Variants in SAXO1 observed in about 807,000 individuals in gnomAD.
The protein encoded by SAXO1 is 4930500O09Rik.
Under a neutral mutation model 17.5 loss-of-function variants are expected in SAXO1, and 21 were observed. The observed-to-expected ratio is 1.20, with a 90% confidence interval of 0.85 to 1.72. The LOEUF (loss-of-function observed/expected upper bound fraction) is 1.72, where lower values mean the gene tolerates loss of function less well. Ranked by LOEUF, SAXO1 falls within the 40% of genes most tolerant of loss-of-function variation. SAXO1 has a pLI of 0.00. For synonymous variants in SAXO1, 274 were observed against 216.5 expected (o/e 1.27, Z -2.33); for missense variants, 843 against 596.0 (o/e 1.41, Z -4.32).
At position 18,927,737 on chromosome 9, in the gene SAXO1, T is replaced by G; in HGVS notation, c.*315A>C. 3.8e-6 allele frequency: 1 copy of G among 265,302 alleles called. No individual in the cohort carries two copies. The highest frequency in any genetic ancestry group is 7.1e-6 in the Non-Finnish European group (1 of 140,614). 16.4% of individuals were successfully genotyped at this position (265,302 alleles called of 1,614,324 possible). A position where few individuals can be genotyped will look rare whatever the true frequency, so the allele number is the denominator to read the frequency against. On this transcript the variant is annotated 3_prime_UTR_variant, in exon 4 of 4. Transcript: ENST00000380534. ...ATCATTATGTCAGTTCATACAATGA[T>G]TAAATTAATAAAATACATCTGGATC...
intron 1 of SAXO1, among the ~76,000 whole-genome samples, chr9:18,962,366 C>T (rs1319542367): frequency 6.6e-6 from 1 of 152,252 alleles, no homozygotes; most frequent in African/African-American, 2.4e-5. Flanking sequence ...CCGCACCCGG[C>T]TCTCATTGGG....
chr9:19,040,270 T>G (rs1024684047), intron 1 of SAXO1, among the ~76,000 whole-genome samples: 1 of 152,228 alleles, frequency 6.6e-6, no homozygotes, highest in African/African-American at 2.4e-5. Flanking sequence ...TTTCAAATAC[T>G]GATACCCTCC....
chr9:19,010,756 C>G (rs759392121), intron 1 of SAXO1, among the ~76,000 whole-genome samples: 1 of 152,116 alleles, frequency 6.6e-6, no homozygotes, highest in Non-Finnish European at 1.5e-5. Flanking sequence ...CAACAGTATT[C>G]TAGGAAATTT....
intron 1 of SAXO1, among the ~76,000 whole-genome samples, chr9:19,028,700 G>A (rs1162907991): frequency 6.6e-6 from 1 of 152,138 alleles, no homozygotes; most frequent in East Asian, 1.9e-4. Context: ...AAGGAAAGAA[G>A]TAGAGCATTG....
chr9:18,970,116 T>C (rs1244636816), intron 1 of SAXO1, among the ~76,000 whole-genome samples: 1 of 152,192 alleles, frequency 6.6e-6, no homozygotes, highest in African/African-American at 2.4e-5. Context: ...TGGCTGATAC[T>C]TGGAAAGCAG....
chr9:18,988,991 T>C (rs879732965), intron 1 of SAXO1, among the ~76,000 whole-genome samples: 5 of 152,180 alleles, frequency 3.3e-5, no homozygotes, highest in Non-Finnish European at 5.9e-5. Context: ...AACTTTCCCC[T>C]ATAGGATGTA....
chr9:19,049,206 TACCCCTAGCA>T lies in SAXO1; in HGVS notation c.-165_-158+2del, dbSNP rs1836294217. 6.4e-6 allele frequency: 1 copy of T among 155,186 alleles called. No homozygotes were observed. The highest frequency in any genetic ancestry group is 1.4e-5 in the Non-Finnish European group (1 of 70,110). 9.6% of individuals were successfully genotyped at this position (155,186 alleles called of 1,614,324 possible). On this transcript the variant is annotated splice_donor_variant and 5_prime_UTR_variant, in exon 1 of 4. Transcript: ENST00000542071. LOFTEE classifies it low-confidence loss of function (5UTR_SPLICE). This position sits in a 1 kb window ranked among gnomAD's most constrained non-coding sequence, Gnocchi z 5.4. The stretch of plus-strand genomic sequence containing the variant: ...CATTTCCCCCGGCCAACCACACACG[TACCCCTAGCA>T]ACAGCAAACCCAGCTGCAACAGAAC...
Position 18,928,586 on chromosome 9 carries a change from G to C in SAXO1, c.891C>G (p.Pro297=). 7 of 1,614,164 alleles carry C rather than the reference G, an allele frequency of 4.3e-6. No individual in the cohort carries two copies. The highest frequency in any genetic ancestry group is 5.9e-6 in the Non-Finnish European group (7 of 1,180,028). ...FSKAPITYVP[P]EDRMDLLTTV... is the part of the protein sequence containing the mutation. The stretch of plus-strand genomic sequence containing the variant: ...TTGTCAGAAGATCCATCCTGTCTTC[G>C]GGAGGGACGTAGGTGATGGGAGCTT... The change falls in exon 4 of 4, where the codon CCC becomes CCG. Residue 297 remains proline (P), a synonymous_variant. Coordinates refer to ENST00000380534, the MANE Select transcript of SAXO1 (RefSeq NM_153707.4).
In SAXO1 at chr9:18,951,605, G is replaced by A. The variant is rs905180049; in HGVS notation, c.39-668C>T. ...TCTTATACCCAGGATCCACCTCGCC[G>A]TCGTATCCCCTCTCCCCACTACTCT... On this transcript the variant is annotated intron_variant, in intron 1 of 3. Coordinates refer to ENST00000380534, the MANE Select transcript of SAXO1 (RefSeq NM_153707.4). Among the ~76,000 whole-genome samples the A allele has an allele frequency of 1.5e-4, 23 of 152,152 alleles. 1 individual carries two copies. Among genetic ancestry groups the A allele is most frequent in the African/African-American group, 5.3e-4 (22 of 41,494 alleles).
At chr9:19,029,985 ATC>A (rs1208158002) in intron 1 of SAXO1, among the ~76,000 whole-genome samples, 1 of 152,192 alleles carries the variant, frequency 6.6e-6, no homozygotes, top group Non-Finnish European at 1.5e-5. Context: ...AATAGAAAAT[ATC>A]TGTTTTCCCA....
chr9:18,956,210 C>T (rs942956162), intron 1 of SAXO1, among the ~76,000 whole-genome samples: 3 of 151,548 alleles, frequency 2.0e-5, no homozygotes, highest in Admixed American at 6.6e-5. Context: ...CTCAGCCTCC[C>T]GAAGTGCTGG....
rs1368879729 is a variant in SAXO1, at chr9:18,941,645, G to A, written c.413C>T (p.Thr138Ile). ...CCTCTGTGCTCTCCCACCTTTATAAGTAGGCAAACACTCCATCTTGTCGCT... is the reference window on the plus strand; with the variant it reads ...CCTCTGTGCTCTCCCACCTTTATAAATAGGCAAACACTCCATCTTGTCGCT... ...PCSDKMECLP[T>I]YKADYLPWNQ... The change falls in exon 3 of 4, where the codon ACT becomes ATT. Residue 138 changes from threonine (T) to isoleucine (I), a missense_variant. Physicochemically the swap from Thr to Ile is moderately conservative, Grantham distance 89. Transcript: ENST00000380534. The A allele has an allele frequency of 2.5e-6, 4 of 1,614,018 alleles. No individual in the cohort carries two copies. In the South Asian group the frequency reaches 4.4e-5, roughly 18 times the overall value.
At chr9:19,017,468 G>T (rs572495198) in intron 1 of SAXO1, among the ~76,000 whole-genome samples, 1 of 152,352 alleles carries the variant, frequency 6.6e-6, no homozygotes, top group East Asian at 1.9e-4. Flanking sequence ...CAGCACCAGA[G>T]CATGGCCAGT....
In SAXO1 at chr9:18,941,810, G is replaced by A. The variant is rs1254367398; in HGVS notation, c.248C>T (p.Pro83Leu). 1 of 1,614,106 alleles carries A rather than the reference G, an allele frequency of 6.2e-7. No homozygotes were observed. Among genetic ancestry groups the A allele is most frequent in the Non-Finnish European group, 8.5e-7 (1 of 1,180,020 alleles). ...CTGGTCATACTGGTGGACCTTCACT[G>A]GTGCCACTTTGTGAGGCCCAAAATC... is the stretch of plus-strand genomic sequence containing the variant. ...RRDFGPHKVA[P>L]VKVHQYDQFV... is the part of the protein sequence containing the mutation. The change falls in exon 3 of 4, where the codon CCA becomes CTA. Residue 83 changes from proline to leucine, a missense_variant. Physicochemically the swap from Pro to Leu is moderately conservative, Grantham distance 98. Transcript: ENST00000380534.
At chr9:19,028,059 C>A in intron 1 of SAXO1, 1 of 1,611,756 alleles carries the variant, frequency 6.2e-7, no homozygotes, top group Non-Finnish European at 8.5e-7. Context: ...CCACGGAGCT[C>A]ACCCACGAGG....
chr9:18,977,940 G>A (rs1833214322), intron 1 of SAXO1, among the ~76,000 whole-genome samples: 2 of 149,470 alleles, frequency 1.3e-5, no homozygotes, highest in South Asian at 4.3e-4. Flanking sequence ...AGGTTGCAGT[G>A]GGCCTAGATC....
At chr9:19,027,842 A>G in intron 1 of SAXO1, 1 of 1,421,702 alleles carries the variant, frequency 7.0e-7, no homozygotes, top group Non-Finnish European at 9.8e-7. Context: ...CCGGGTGGAC[A>G]TCCTGGACCC....
chr9:18,992,025 A>T (rs1833834445), intron 1 of SAXO1, among the ~76,000 whole-genome samples: 1 of 152,198 alleles, frequency 6.6e-6, no homozygotes, highest in Non-Finnish European at 1.5e-5. Context: ...TCTATCCCAA[A>T]ATGCCAGGCA....
intron 1 of SAXO1, among the ~76,000 whole-genome samples, chr9:18,958,057 G>C (rs1832326637): frequency 6.6e-6 from 1 of 152,122 alleles, no homozygotes; most frequent in Non-Finnish European, 1.5e-5. Context: ...TAAAGAATCA[G>C]AACAGTGAGA....
Sources: gnomAD v4.1 joint callset for allele counts (sites outside exome capture counted in the v4.1 genomes callset) on GRCh38, gnomAD v4.1.1 for gene constraint, Gnocchi (gnomAD v3.1) non-coding constraint, MANE v1.5 for transcripts, NCBI Gene and HGNC (gene_info 2026-07-23, HGNC 2026-07-21) for gene names.